The following ADARB2 variants were observed in gnomAD, a reference collection of about 807,000 sequenced individuals.
The protein encoded by ADARB2 is adenosine deaminase RNA specific B2 (inactive), also known as inactive double-stranded RNA-specific editase B2.
Under a neutral mutation model 62.2 loss-of-function variants are expected in ADARB2, and 25 were observed. The observed-to-expected ratio is 0.40, with a 90% confidence interval of 0.29 to 0.56. The LOEUF (loss-of-function observed/expected upper bound fraction) is 0.56, where lower values mean the gene tolerates loss of function less well. Among genes scored for constraint, ADARB2 ranks in the 20% least tolerant of loss-of-function variants. The pLI, the probability that ADARB2 is intolerant of heterozygous loss-of-function variation, is 0.43. For missense variants in ADARB2, 1,071 were observed against 1,077.4 expected (o/e 0.99, Z 0.08); for synonymous variants, 572 against 500.8 (o/e 1.14, Z -1.90).
chr10:1,354,997 G>A (rs979654154), intron 3 of ADARB2, among the ~76,000 whole-genome samples: 1 of 152,148 alleles, frequency 6.6e-6, no homozygotes, highest in Non-Finnish European at 1.5e-5. Context: ...CAGGTGACCC[G>A]ATCCTCTCCA....
chr10:1,655,397 C>T (rs1465718184), intron 1 of ADARB2, among the ~76,000 whole-genome samples: 1 of 152,206 alleles, frequency 6.6e-6, no homozygotes, highest in Non-Finnish European at 1.5e-5. Context: ...CCCACATTGC[C>T]ATCCAGGCAT....
At chr10:1,630,256 G>A (rs776620026) in intron 1 of ADARB2, among the ~76,000 whole-genome samples, 44 of 152,158 alleles carry the variant, frequency 2.9e-4, no homozygotes, top group Non-Finnish European at 5.9e-4. Context: ...TGGCCCTCCC[G>A]ACACTTATGT....
rs549602658 is a variant in ADARB2, at chr10:1,591,331, C to G, written c.100+145720G>C. 1.5e-3 allele frequency among the ~76,000 whole-genome samples: 227 copies of G among 152,292 alleles called. 2 individuals carry two copies. The highest frequency in any genetic ancestry group is 2.0e-3 in the Non-Finnish European group (134 of 68,024). On this transcript the variant is annotated intron_variant, in intron 1 of 9. Coordinates refer to ENST00000381312, the MANE Select transcript of ADARB2 (RefSeq NM_018702.4). ...CGTGCCATCCCCTTCCTTCTTTCCT[C>G]CCTCTCAAAAATGCCCCTTCGTACC...
chr10:1,205,915 GA>G (rs200747319), intron 7 of ADARB2, among the ~76,000 whole-genome samples: 107 of 107,598 alleles, frequency 9.9e-4, no homozygotes, highest in Middle Eastern at 4.3e-3. Flanking sequence ...GGGTCAGGTG[GA>G]GGTCACGGGG....
intron 1 of ADARB2, among the ~76,000 whole-genome samples, chr10:1,504,022 A>G (rs1048511064): frequency 1.3e-5 from 2 of 152,220 alleles, no homozygotes; most frequent in Non-Finnish European, 2.9e-5. Context: ...AATACAGGCC[A>G]GAGAGTAGGA....
chr10:1,481,671 A>T (rs903728502), intron 1 of ADARB2, among the ~76,000 whole-genome samples: 3 of 152,086 alleles, frequency 2.0e-5, no homozygotes, highest in African/African-American at 7.2e-5. Flanking sequence ...AGCCTGGCCA[A>T]CATGGTGAAA....
intron 1 of ADARB2, among the ~76,000 whole-genome samples, chr10:1,384,450 A>T (rs1254330173): frequency 6.6e-6 from 1 of 152,248 alleles, no homozygotes; most frequent in Non-Finnish European, 1.5e-5. Context: ...AAGGGCAGGA[A>T]GGAAGGCTTT....
At chr10:1,338,985 C>T (rs1475912556) in intron 3 of ADARB2, among the ~76,000 whole-genome samples, 2 of 152,344 alleles carry the variant, frequency 1.3e-5, no homozygotes, top group East Asian at 3.9e-4. Context: ...GGCTGGGTCT[C>T]ATACTCTGGA....
intron 1 of ADARB2, among the ~76,000 whole-genome samples, chr10:1,389,773 A>G (rs1388828290): frequency 6.6e-6 from 1 of 150,684 alleles, no homozygotes; most frequent in Non-Finnish European, 1.5e-5. Context: ...ATAAATAAAT[A>G]AATAAATAAA....
intron 1 of ADARB2, among the ~76,000 whole-genome samples, chr10:1,510,655 A>G (rs1588282863): frequency 1.3e-5 from 2 of 152,346 alleles, no homozygotes; most frequent in Admixed American, 1.3e-4. Flanking sequence ...GAAGGATAGA[A>G]TCAATGACAC....
At chr10:1,688,876 C>T (rs1024388202) in intron 1 of ADARB2, among the ~76,000 whole-genome samples, 1 of 152,190 alleles carries the variant, frequency 6.6e-6, no homozygotes, top group African/African-American at 2.4e-5. Flanking sequence ...TCTTTCCAAA[C>T]ATTTTAACGT....
chr10:1,244,903 G>A (rs751786288), intron 4 of ADARB2, among the ~76,000 whole-genome samples: 1 of 152,230 alleles, frequency 6.6e-6, no homozygotes, highest in Admixed American at 6.5e-5. Flanking sequence ...GGCCGTTGGA[G>A]CCCGTAGGAG....
At chr10:1,400,209 G>A (rs930217779) in intron 1 of ADARB2, among the ~76,000 whole-genome samples, 1 of 152,240 alleles carries the variant, frequency 6.6e-6, no homozygotes, top group Non-Finnish European at 1.5e-5. Context: ...TGTCTCTCCT[G>A]CGTGGGTCGG....
At position 1,429,370 on chromosome 10, in the gene ADARB2, G is replaced by A. The variant is rs1193381344; in HGVS notation, c.101-50210C>T. ...TAACTTGCCTTCCGTAGGATAAAAC[G>A]CTCATCACTCAAAAGTGTACCTAAC... On this transcript the variant is annotated intron_variant, in intron 1 of 9. Transcript: ENST00000381312. Among the ~76,000 whole-genome samples, 4 of 152,096 alleles carry A rather than the reference G, an allele frequency of 2.6e-5. No individual in the cohort carries two copies. The East Asian group carries it at 7.7e-4, about 29-fold the overall frequency.
chr10:1,210,557 C>T (rs1837137279), intron 7 of ADARB2, among the ~76,000 whole-genome samples: 1 of 152,242 alleles, frequency 6.6e-6, no homozygotes, highest in Non-Finnish European at 1.5e-5. Flanking sequence ...CGTGCTTCGC[C>T]TCCATAAAGT....
chr10:1,479,774 A>G (rs143188468), intron 1 of ADARB2, among the ~76,000 whole-genome samples: 2 of 152,320 alleles, frequency 1.3e-5, no homozygotes, highest in Non-Finnish European at 2.9e-5. Context: ...GCTGAGAACA[A>G]TGATTTACAG....
At chr10:1,567,772 A>G (rs2813403) in intron 1 of ADARB2, among the ~76,000 whole-genome samples, 150,875 of 152,304 alleles carry the variant, frequency 0.99, 74,744 homozygotes, top group Middle Eastern at 1. Context: ...TTCGTCCACT[A>G]CCATGCGCAC....
chr10:1,638,895 C>T (rs1314990169), intron 1 of ADARB2, among the ~76,000 whole-genome samples: 2 of 152,200 alleles, frequency 1.3e-5, no homozygotes, highest in African/African-American at 4.8e-5. Flanking sequence ...TCCCTCCATG[C>T]AGGTGACACA....
At chr10:1,323,211 TATCATAC>T (rs1462550030) in intron 3 of ADARB2, among the ~76,000 whole-genome samples, 2 of 151,470 alleles carry the variant, frequency 1.3e-5, no homozygotes, top group Non-Finnish European at 2.9e-5. Context: ...TCATCCTCTT[TATCATAC>T]TTCACAGATT....
Sources: gnomAD v4.1 joint callset for allele counts (sites outside exome capture counted in the v4.1 genomes callset) on GRCh38, gnomAD v4.1.1 for gene constraint, MANE v1.5 for transcripts, NCBI Gene and HGNC (gene_info 2026-07-23, HGNC 2026-07-21) for gene names.